The following SCAI variants were observed in gnomAD, a reference collection of about 807,000 sequenced individuals.
SCAI encodes suppressor of cancer cell invasion, also known as protein SCAI.
SCAI carries 24 observed loss-of-function variants against 92.2 expected under a neutral mutation model. The observed-to-expected ratio is 0.26, with a 90% CI of 0.19 to 0.37. The LOEUF (loss-of-function observed/expected upper bound fraction) is 0.37. SCAI is among the 10% of genes least tolerant of loss of function. SCAI has a pLI of 1.00. For missense variants in SCAI, 450 were observed against 736.2 expected, an observed-to-expected ratio of 0.61 and a Z score of 4.50; for synonymous variants, 261 against 258.6, an observed-to-expected ratio of 1.01 and a Z score of -0.09.
At chr9:125,103,534 A>T (rs568380526) in intron 2 of SCAI, among the ~76,000 whole-genome samples, 1 of 152,326 alleles carries the variant, frequency 6.6e-6, no homozygotes, top group Non-Finnish European at 1.5e-5. Context: ...GCACTTTATA[A>T]ATATTCACTC....
At chr9:125,097,046 A>G (rs553116105) in intron 2 of SCAI, among the ~76,000 whole-genome samples, 2 of 152,280 alleles carry the variant, frequency 1.3e-5, no homozygotes, top group East Asian at 3.9e-4. Flanking sequence ...ATTCACTCCT[A>G]TCATTCTACT....
intron 2 of SCAI, among the ~76,000 whole-genome samples, chr9:125,120,110 G>C (rs971188536): frequency 1.3e-5 from 2 of 152,190 alleles, no homozygotes; most frequent in Non-Finnish European, 2.9e-5. Flanking sequence ...ACCACTAGAT[G>C]GGAGGAGTGT....
At chr9:125,101,276 T>A (rs1427727506) in intron 2 of SCAI, among the ~76,000 whole-genome samples, 1 of 152,132 alleles carries the variant, frequency 6.6e-6, no homozygotes, top group Non-Finnish European at 1.5e-5. Flanking sequence ...TTTAAAAGGA[T>A]CTCACTGGCT....
At chr9:125,100,822 C>T (rs909524709) in intron 2 of SCAI, among the ~76,000 whole-genome samples, 6 of 152,122 alleles carry the variant, frequency 3.9e-5, no homozygotes, top group Non-Finnish European at 7.4e-5. Context: ...AAGAATAAAC[C>T]GTGAGGGAAA....
In SCAI at chr9:124,943,171, T is replaced by C. The variant is rs925440439; in HGVS notation, c.*9636A>G. 1.3e-5 allele frequency: 2 copies of C among 152,230 alleles called. No homozygotes were observed. The highest frequency in any genetic ancestry group is 2.9e-5 in the Non-Finnish European group (2 of 68,042). 9.4% of individuals were successfully genotyped at this position (152,230 alleles called of 1,614,324 possible). A position where few individuals can be genotyped will look rare whatever the true frequency, so the allele number is the denominator to read the frequency against. On this transcript the variant is annotated 3_prime_UTR_variant, in exon 18 of 18. Coordinates refer to ENST00000336505, the MANE Select transcript of SCAI (RefSeq NM_001144877.3). The stretch of plus-strand genomic sequence containing the variant: ...TTTAGAACACAACTGACAAGACTTT[T>C]ACAATACCACAAATGTTCAAGTCAA...
intron 14 of SCAI, among the ~76,000 whole-genome samples, chr9:124,982,292 T>C (rs1831901080): frequency 6.6e-6 from 1 of 152,158 alleles, no homozygotes; most frequent in South Asian, 2.1e-4. Flanking sequence ...CATACAAGTA[T>C]TTTGTGGCCT....
intron 2 of SCAI, among the ~76,000 whole-genome samples, chr9:125,110,211 C>T (rs1035902754): frequency 6.6e-6 from 1 of 152,314 alleles, no homozygotes; most frequent in South Asian, 2.1e-4. Flanking sequence ...TTGAACAGAT[C>T]ATTTGTCTTC....
intron 2 of SCAI, among the ~76,000 whole-genome samples, chr9:125,067,516 G>T (rs1489217530): frequency 1.3e-5 from 2 of 152,146 alleles, no homozygotes; most frequent in African/African-American, 4.8e-5. Context: ...GAACGCCAAG[G>T]ATTGCTGGCA....
intron 2 of SCAI, among the ~76,000 whole-genome samples, chr9:125,097,045 TATC>T (rs1304660448): frequency 6.6e-6 from 1 of 152,222 alleles, no homozygotes; most frequent in Non-Finnish European, 1.5e-5. Context: ...GATTCACTCC[TATC>T]ATTCTACTCA....
At chr9:125,120,226 A>G (rs541919167) in intron 2 of SCAI, among the ~76,000 whole-genome samples, 12 of 152,236 alleles carry the variant, frequency 7.9e-5, no homozygotes, top group Non-Finnish European at 1.8e-4. Flanking sequence ...GCCAGAATAT[A>G]CCAAAGTTGA....
intron 14 of SCAI, among the ~76,000 whole-genome samples, chr9:124,978,806 A>T (rs1831813191): frequency 6.6e-6 from 1 of 152,202 alleles, no homozygotes; most frequent in Non-Finnish European, 1.5e-5. Flanking sequence ...AATAATAAAC[A>T]GCTATAAAAA....
At chr9:125,128,952 A>T (rs979319239) in intron 2 of SCAI, among the ~76,000 whole-genome samples, 1 of 151,808 alleles carries the variant, frequency 6.6e-6, no homozygotes, top group African/African-American at 2.4e-5. Context: ...AATCCCAGCT[A>T]TTCGGGAGAC....
chr9:125,018,207 G>T (rs569064130), intron 9 of SCAI, among the ~76,000 whole-genome samples: 1 of 151,872 alleles, frequency 6.6e-6, no homozygotes, highest in Admixed American at 6.6e-5. Context: ...TGATTCTCTT[G>T]CCTCAGCCTC....
chr9:124,990,499 A>G (rs529174933), intron 14 of SCAI, among the ~76,000 whole-genome samples: 21 of 152,262 alleles, frequency 1.4e-4, no homozygotes, highest in African/African-American at 5.1e-4. Flanking sequence ...AAACAAAACA[A>G]AACAAAACAA....
At chr9:125,026,942 A>T (rs963386209) in intron 5 of SCAI, 32 bp from the exon 6 acceptor site, 1 of 1,277,270 alleles carries the variant, frequency 7.8e-7, no homozygotes, top group Non-Finnish European at 1.1e-6. Flanking sequence ...TAAATATGAC[A>T]GTGTCAGAGA....
chr9:125,014,036 A>C (rs1030855129), intron 9 of SCAI, among the ~76,000 whole-genome samples: 58 of 151,398 alleles, frequency 3.8e-4, no homozygotes, highest in Non-Finnish European at 6.0e-4. Context: ...ATCTCAAAAT[A>C]ATAAGAGCTA....
chr9:125,010,248 G>A (rs1402887363), intron 9 of SCAI, among the ~76,000 whole-genome samples: 6 of 152,190 alleles, frequency 3.9e-5, no homozygotes, highest in Admixed American at 2.0e-4. Context: ...CTCGGGAAGC[G>A]CAAGGGGTCA....
intron 9 of SCAI, among the ~76,000 whole-genome samples, chr9:125,015,259 G>A (rs1432230338): frequency 6.6e-6 from 1 of 152,110 alleles, no homozygotes; most frequent in African/African-American, 2.4e-5. Flanking sequence ...TACAAGATGG[G>A]AGAAAATGTT....
At chr9:125,041,669 T>C (rs1380025903) in intron 3 of SCAI, among the ~76,000 whole-genome samples, 1 of 152,160 alleles carries the variant, frequency 6.6e-6, no homozygotes, top group Non-Finnish European at 1.5e-5. Context: ...AAAAGTGATC[T>C]AAAATGCTAT....
Sources: allele counts gnomAD v4.1 joint callset (sites outside exome capture counted in the v4.1 genomes callset), GRCh38; gene constraint gnomAD v4.1.1; transcripts MANE v1.5; gene names NCBI Gene and HGNC (gene_info 2026-07-23, HGNC 2026-07-21).